The following GPATCH2 variants were observed in gnomAD, a reference collection of about 807,000 sequenced individuals.
GPATCH2 encodes the protein G-patch domain containing 2, also known as G patch domain-containing protein 2.
Under a neutral mutation model 58.0 loss-of-function variants are expected in GPATCH2, and 51 were observed. The ratio of observed to expected loss-of-function variants is 0.88; its 90% confidence interval spans 0.70 to 1.11. The LOEUF (loss-of-function observed/expected upper bound fraction) is 1.11. Among genes scored for constraint, GPATCH2 ranks in the 50% most tolerant of loss-of-function variants. GPATCH2 has a pLI of 0.00. For synonymous variants in GPATCH2, 222 were observed against 218.5 expected (o/e 1.02, Z -0.14); for missense variants, 625 against 652.2 (o/e 0.96, Z 0.45).
At chr1:217,571,032 T>C (rs1666512889) in intron 5 of GPATCH2, among the ~76,000 whole-genome samples, 1 of 152,204 alleles carries the variant, frequency 6.6e-6, no homozygotes, top group Non-Finnish European at 1.5e-5. Context: ...CCAGGTGCTA[T>C]TCTTGGCTCC....
In GPATCH2 at chr1:217,499,930, G is replaced by A. The variant is rs75573593; in HGVS notation, c.1167-1535C>T. 5.5e-3 allele frequency among the ~76,000 whole-genome samples: 840 copies of A among 152,094 alleles called. 11 individuals are homozygous for A. Among genetic ancestry groups the A allele is most frequent in the African/African-American group, 0.017 (721 of 41,492 alleles). On this transcript the variant is annotated intron_variant, in intron 6 of 9. Coordinates refer to ENST00000366935, the MANE Select transcript of GPATCH2 (RefSeq NM_018040.5). The stretch of plus-strand genomic sequence containing the variant: ...TAATGCTATATTTCTAAAGAATATG[G>A]TTATACCAATAGCTTGTAATTCATT...
At chr1:217,502,340 C>T (rs1377918271) in intron 6 of GPATCH2, among the ~76,000 whole-genome samples, 1 of 152,034 alleles carries the variant, frequency 6.6e-6, no homozygotes, top group Non-Finnish European at 1.5e-5. Context: ...GTTGAATCTT[C>T]CAACCTATGA....
rs1179422155 is a variant in GPATCH2, at chr1:217,428,764, G to A, written c.*2381C>T. The A allele has an allele frequency of 6.6e-6, 1 of 152,158 alleles. No homozygotes were observed. The highest frequency in any genetic ancestry group is 1.9e-4 in the East Asian group (1 of 5,206). The allele number at this position is 152,158 out of a possible 1,614,324, so 9.4% of individuals were successfully genotyped here. ...GTCTTCTATTAGCTGAAAATACAAA[G>A]AAGAATTTTTTTAGGTGTTAGAGAA... is the stretch of plus-strand genomic sequence containing the variant. On this transcript the variant is annotated 3_prime_UTR_variant, in exon 10 of 10. Coordinates refer to ENST00000366935, the MANE Select transcript of GPATCH2 (RefSeq NM_018040.5).
chr1:217,498,589 G>A, intron 6 of GPATCH2, 194 bp from the exon 7 acceptor site: 1 of 593,560 alleles, frequency 1.7e-6, no homozygotes, highest in Non-Finnish European at 3.0e-6. Flanking sequence ...TCATAACCTG[G>A]TAATTTTCAA....
At chr1:217,615,593 G>T in intron 2 of GPATCH2, among the ~76,000 whole-genome samples, 1 of 151,858 alleles carries the variant, frequency 6.6e-6, no homozygotes, top group East Asian at 1.9e-4. Context: ...TCAAATGAAG[G>T]GTCTCATATA....
chr1:217,512,907 A>G (rs1662924172), intron 6 of GPATCH2, among the ~76,000 whole-genome samples: 1 of 152,218 alleles, frequency 6.6e-6, no homozygotes, highest in Admixed American at 6.5e-5. Context: ...CCAAGAGAGG[A>G]GAGAGAATTG....
intron 5 of GPATCH2, among the ~76,000 whole-genome samples, chr1:217,578,996 G>A (rs1666934683): frequency 6.6e-6 from 1 of 152,154 alleles, no homozygotes; most frequent in Non-Finnish European, 1.5e-5. Flanking sequence ...TAACATCAAA[G>A]GTAAATCCTT....
At chr1:217,524,454 G>A (rs1183215627) in intron 5 of GPATCH2, among the ~76,000 whole-genome samples, 9 of 152,034 alleles carry the variant, frequency 5.9e-5, no homozygotes, top group African/African-American at 1.7e-4. Flanking sequence ...CTTCCCAGAC[G>A]GGGTGGCGGC....
intron 6 of GPATCH2, among the ~76,000 whole-genome samples, chr1:217,501,360 A>G (rs1662293451): frequency 6.6e-6 from 1 of 152,076 alleles, no homozygotes; most frequent in Admixed American, 6.6e-5. Flanking sequence ...AAGACTTCTG[A>G]GTTATATCCA....
In GPATCH2 at chr1:217,514,899, G is replaced by T; in HGVS notation, c.1099-10C>A. On this transcript the variant is annotated splice_polypyrimidine_tract_variant and intron_variant, in intron 5 of 9. Transcript: ENST00000366935. ...GGCCAGGAATGGGTACCTACAGGGA[G>T]ATTTAAAAAGAAAAAATAAATTTCA... is the stretch of plus-strand genomic sequence containing the variant. 1 of 1,324,880 alleles carries T rather than the reference G, an allele frequency of 7.5e-7. No individual in the cohort carries two copies. The allele number at this position is 1,324,880 out of a possible 1,614,324, so 82.1% of individuals were successfully genotyped here. A position where few individuals can be genotyped will look rare whatever the true frequency, so the allele number is the denominator to read the frequency against.
chr1:217,560,143 A>C (rs953476593), intron 5 of GPATCH2, among the ~76,000 whole-genome samples: 3 of 152,140 alleles, frequency 2.0e-5, no homozygotes, highest in Admixed American at 6.5e-5. Flanking sequence ...ATGCCCGGCC[A>C]GAATGCCTTT....
intron 6 of GPATCH2, among the ~76,000 whole-genome samples, chr1:217,501,870 G>C (rs1662322870): frequency 6.6e-6 from 1 of 151,976 alleles, no homozygotes; most frequent in Non-Finnish European, 1.5e-5. Context: ...TGCTAGATAT[G>C]TGGTTTGCAA....
At chr1:217,550,485 T>A (rs538689851) in intron 5 of GPATCH2, among the ~76,000 whole-genome samples, 6 of 152,190 alleles carry the variant, frequency 3.9e-5, no homozygotes, top group African/African-American at 1.4e-4. Flanking sequence ...CTAGGAATAG[T>A]GTTAAATACA....
intron 7 of GPATCH2, chr1:217,492,687 T>C (rs1388196469): frequency 1.3e-5 from 2 of 152,178 alleles, no homozygotes; most frequent in Non-Finnish European, 2.9e-5. Flanking sequence ...TAAGCCTTGG[T>C]CTCCACCTGT....
intron 5 of GPATCH2, among the ~76,000 whole-genome samples, chr1:217,598,472 A>AC (rs1491450102): frequency 1.3e-5 from 2 of 151,822 alleles, no homozygotes; most frequent in African/African-American, 4.8e-5. Context: ...TTTTTGAGAC[A>AC]GAGTCTCGCT....
At chr1:217,583,767 A>G (rs1667189361) in intron 5 of GPATCH2, among the ~76,000 whole-genome samples, 1 of 151,948 alleles carries the variant, frequency 6.6e-6, no homozygotes, top group Non-Finnish European at 1.5e-5. Context: ...AAATACATGT[A>G]TTTTTTTCTT....
At chr1:217,442,453 C>A (rs1319482367) in intron 9 of GPATCH2, among the ~76,000 whole-genome samples, 2 of 152,136 alleles carry the variant, frequency 1.3e-5, no homozygotes, top group Non-Finnish European at 2.9e-5. Context: ...AACAAGCCTG[C>A]ACGTTCTGCA....
In GPATCH2 at chr1:217,430,100, C is replaced by T. The variant is rs570555500; in HGVS notation, c.*1045G>A. 7.9e-5 allele frequency: 12 copies of T among 152,210 alleles called. No individual in the cohort carries two copies. The highest frequency in any genetic ancestry group is 1.3e-4 in the Non-Finnish European group (9 of 68,014). The allele number at this position is 152,210 out of a possible 1,614,324, so 9.4% of individuals were successfully genotyped here. A position where few individuals can be genotyped will look rare whatever the true frequency, so the allele number is the denominator to read the frequency against. On this transcript the variant is annotated 3_prime_UTR_variant, in exon 10 of 10. Transcript: ENST00000366935. The stretch of plus-strand genomic sequence containing the variant: ...CTCAATACTAGGCACGTAATACAAA[C>T]GACCTCTTTTGCTAGGTTTTAAAGT...
intron 5 of GPATCH2, among the ~76,000 whole-genome samples, chr1:217,575,322 G>C (rs1388334042): frequency 4.6e-5 from 7 of 152,074 alleles, no homozygotes; most frequent in Non-Finnish European, 1.0e-4. Flanking sequence ...ACAGCCACAG[G>C]AATGATGTTA....
Sources: allele counts gnomAD v4.1 joint callset (sites outside exome capture counted in the v4.1 genomes callset), GRCh38; gene constraint gnomAD v4.1.1; transcripts MANE v1.5; gene names NCBI Gene and HGNC (gene_info 2026-07-23, HGNC 2026-07-21).